Variants in RHOBTB3 observed in about 807,000 individuals in gnomAD.
RHOBTB3 encodes the protein rho-related BTB domain-containing protein 3.
A neutral mutation model predicts 67.2 loss-of-function variants in RHOBTB3; 47 were observed. The observed-to-expected ratio is 0.70, with a 90% CI of 0.55 to 0.89. The LOEUF is 0.89. Among genes scored for constraint, RHOBTB3 ranks in the 40% least tolerant of loss-of-function variants. RHOBTB3 has a pLI of 0.00. For synonymous variants in RHOBTB3, 273 were observed against 274.2 expected (o/e 1.00, Z 0.04); for missense variants, 631 against 750.0 (o/e 0.84, Z 1.85).
Position 95,778,229 on chromosome 5 carries a change from T to C in RHOBTB3, c.1283-2023T>C, listed in dbSNP as rs1013117677. Among the ~76,000 whole-genome samples the C allele has an allele frequency of 1.4e-4, 22 of 152,340 alleles. No individual in the cohort carries two copies. The South Asian group carries it at 2.3e-3, about 16-fold the overall frequency. On this transcript the variant is annotated intron_variant, in intron 8 of 11. Transcript: ENST00000379982. ...CTCAAGTTCGTGATATTAAATGGCT[T>C]AGTATTTGCATGTAACCTATGAGTA...
At chr5:95,729,651 A>G (rs1461310738), upstream of RHOBTB3, among the ~76,000 whole-genome samples, 2 of 152,136 alleles carry the variant, frequency 1.3e-5, no homozygotes, top group Non-Finnish European at 2.9e-5. Context: ...AACCTGAAAC[A>G]CTATACCTGT....
chr5:95,756,165 C>A (rs539525407), intron 6 of RHOBTB3: 24 of 160,458 alleles, frequency 1.5e-4, no homozygotes, highest in Admixed American at 4.2e-4. Flanking sequence ...TTCCCCATTC[C>A]GACCTCTTTC....
chr5:95,732,242 A>G, intron 2 of RHOBTB3, 158 bp downstream of exon 2: 1 of 700,192 alleles, frequency 1.4e-6, no homozygotes, highest in South Asian at 1.7e-5. Context: ...CCTTTGTTTC[A>G]CTGGGCAGGG....
At chr5:95,733,140 C>G (rs185067334) in intron 2 of RHOBTB3, among the ~76,000 whole-genome samples, 95 of 152,224 alleles carry the variant, frequency 6.2e-4, no homozygotes, top group African/African-American at 2.2e-3. Flanking sequence ...AAAGATCACT[C>G]GCTCGTGTAA....
rs189527041 is a variant in RHOBTB3 at position 95,758,422 on chromosome 5, C to T, written c.1048+2661C>T. Among the ~76,000 whole-genome samples, 430 of 152,240 alleles carry T rather than the reference C, an allele frequency of 2.8e-3. 2 individuals are homozygous for T. The highest frequency in any genetic ancestry group is 7.7e-3 in the African/African-American group (321 of 41,544). ...CTGCTGCTTTCCAGGGATCACAGGC[C>T]GTTTCCCATGGCTGGAGCGTAGAGT... On this transcript the variant is annotated intron_variant, in intron 6 of 11. Coordinates refer to ENST00000379982, the MANE Select transcript of RHOBTB3 (RefSeq NM_014899.4).
At chr5:95,755,323 A>G in intron 5 of RHOBTB3, 73 bp from the exon 6 acceptor site, 1 of 1,063,076 alleles carries the variant, frequency 9.4e-7, no homozygotes. Flanking sequence ...AATTATATTT[A>G]AAGTAAACAT....
At chr5:95,731,131 T>A (rs1437534629), upstream of RHOBTB3, 31 of 1,026,556 alleles carry the variant, frequency 3.0e-5, no homozygotes, top group Non-Finnish European at 3.6e-5. Context: ...TATTAATTTA[T>A]ATTCCGCGGC....
At chr5:95,733,300 C>T (rs959453247) in intron 2 of RHOBTB3, among the ~76,000 whole-genome samples, 14 of 152,166 alleles carry the variant, frequency 9.2e-5, no homozygotes, top group Admixed American at 2.0e-4. Flanking sequence ...AGAGTCTATG[C>T]AGGCAAATGA....
chr5:95,738,575 C>T (rs1397110007), intron 3 of RHOBTB3, among the ~76,000 whole-genome samples: 3 of 152,052 alleles, frequency 2.0e-5, no homozygotes, highest in African/African-American at 4.8e-5. Flanking sequence ...TGAGTTTGGC[C>T]CCCTTCTGCC....
At chr5:95,763,468 A>T (rs765369254) in intron 6 of RHOBTB3, 40 bp from the exon 7 acceptor site, 9 of 1,189,556 alleles carry the variant, frequency 7.6e-6, no homozygotes, top group African/African-American at 1.5e-5. Context: ...TTACTTCCTC[A>T]TTTAACAGAA....
intron 9 of RHOBTB3, 90 bp from the exon 10 acceptor site, chr5:95,783,707 T>G: frequency 8.8e-7 from 1 of 1,133,762 alleles, no homozygotes; most frequent in Non-Finnish European, 1.3e-6. Flanking sequence ...CATGTTTTTT[T>G]AATTGTTGTT....
At chr5:95,773,004 G>C (rs1434377719) in intron 8 of RHOBTB3, among the ~76,000 whole-genome samples, 1 of 152,184 alleles carries the variant, frequency 6.6e-6, no homozygotes, top group South Asian at 2.1e-4. Flanking sequence ...CTCTTTTGCT[G>C]TGTTATAAAA....
intron 4 of RHOBTB3, among the ~76,000 whole-genome samples, chr5:95,750,861 G>A (rs1196732000): frequency 6.6e-6 from 1 of 152,210 alleles, no homozygotes; most frequent in East Asian, 1.9e-4. Context: ...GAGAATGGGT[G>A]GTCTTAGGGC....
At chr5:95,770,077 G>T (rs1206987748) in intron 8 of RHOBTB3, 1 of 310,340 alleles carries the variant, frequency 3.2e-6, no homozygotes, top group South Asian at 3.4e-5. Context: ...GTGATGCTAT[G>T]CTCTTTAAAG....
At chr5:95,775,929 A>T (rs1580423093) in intron 8 of RHOBTB3, among the ~76,000 whole-genome samples, 1 of 152,196 alleles carries the variant, frequency 6.6e-6, no homozygotes, top group African/African-American at 2.4e-5. Flanking sequence ...GTTACAGTGA[A>T]GTCTTAAGAT....
rs1746510318 is a variant in RHOBTB3 at position 95,794,382 on chromosome 5, A to C, written c.*1208A>C. ...TGTTATTTACCAAGATTAGGACGTCAGTGGCTTAAATTCTTTGAATTCTTT... is the reference window on the plus strand; with the variant it reads ...TGTTATTTACCAAGATTAGGACGTCCGTGGCTTAAATTCTTTGAATTCTTT... On this transcript the variant is annotated 3_prime_UTR_variant, in exon 12 of 12. Coordinates refer to ENST00000379982, the MANE Select transcript of RHOBTB3 (RefSeq NM_014899.4). The C allele has an allele frequency of 5.9e-6, 1 of 168,666 alleles. No homozygotes were observed. The highest frequency in any genetic ancestry group is 1.3e-5 in the Non-Finnish European group (1 of 76,942). 10.4% of individuals were successfully genotyped at this position (168,666 alleles called of 1,614,324 possible).
upstream of RHOBTB3, among the ~76,000 whole-genome samples, chr5:95,728,923 C>T (rs1413661170): frequency 6.6e-6 from 1 of 152,192 alleles, no homozygotes; most frequent in African/African-American, 2.4e-5. Flanking sequence ...AATTATAATG[C>T]ACTAGCATGC....
Position 95,755,781 on chromosome 5 carries a change from T to A in RHOBTB3, c.1048+20T>A, listed in dbSNP as rs778217426. On this transcript the variant is annotated intron_variant, in intron 6 of 11. Transcript: ENST00000379982. Reference sequence around the variant, plus strand: ...ATTCAGGTATCTTGTCAAGTGGTTCTGGTTACTTACAATCTCATAAGCTTT... The same window carrying A: ...ATTCAGGTATCTTGTCAAGTGGTTCAGGTTACTTACAATCTCATAAGCTTT... 2.5e-6 allele frequency: 4 copies of A among 1,611,136 alleles called. No homozygotes were observed. In the East Asian group the frequency reaches 8.9e-5, roughly 36 times the overall value.
chr5:95,763,430 G>A (rs1745446955), intron 6 of RHOBTB3, 78 bp from the exon 7 acceptor site: 2 of 820,216 alleles, frequency 2.4e-6, no homozygotes, highest in Middle Eastern at 2.3e-4. Flanking sequence ...AAAAGGGAAT[G>A]TTGTATTTAA....
Sources: allele counts gnomAD v4.1 joint callset (sites outside exome capture counted in the v4.1 genomes callset), GRCh38; gene constraint gnomAD v4.1.1; transcripts MANE v1.5; gene names NCBI Gene and HGNC (gene_info 2026-07-23, HGNC 2026-07-21).